RTN2: variants seen among roughly 807,000 people sequenced by gnomAD.
RTN2 encodes the protein reticulon-2.
A neutral mutation model predicts 63.7 loss-of-function variants in RTN2; 36 were observed. The ratio of observed to expected loss-of-function variants is 0.56; its 90% CI spans 0.43 to 0.75. The LOEUF is 0.75. RTN2 is among the 30% of genes least tolerant of loss of function. The pLI is 0.00. For synonymous variants in RTN2, 312 were observed against 313.0 expected (o/e 1.00, Z 0.03); for missense variants, 673 against 705.1 (o/e 0.95, Z 0.52).
At chr19:45,492,971 T>G (rs1968192352) in intron 5 of RTN2, among the ~76,000 whole-genome samples, 189 bp downstream of exon 5, 1 of 152,162 alleles carries the variant, frequency 6.6e-6, no homozygotes, top group African/African-American at 2.4e-5. Flanking sequence ...AAGTGCTGGC[T>G]CGAAGGAGAA....
At chr19:45,485,961 A>G (rs1050647477) in intron 10 of RTN2, 94 bp downstream of exon 10, 2 of 1,341,862 alleles carry the variant, frequency 1.5e-6, no homozygotes, top group African/African-American at 2.9e-5. Flanking sequence ...AGGGGACATT[A>G]CCCCAGGAGA....
chr19:45,489,307 T>G (rs1599907761), intron 6 of RTN2, 39 bp downstream of exon 6: 1 of 1,533,340 alleles, frequency 6.5e-7, no homozygotes, highest in Non-Finnish European at 8.8e-7. Flanking sequence ...TGCTTTAGGG[T>G]CAGGACAGGG....
Position 45,485,348 on chromosome 19 carries a change from C to T in RTN2, c.*360G>A, listed in dbSNP as rs1801948. On this transcript the variant is annotated 3_prime_UTR_variant, in exon 11 of 11. Coordinates refer to ENST00000245923, the MANE Select transcript of RTN2 (RefSeq NM_005619.5). ...AATCCAAGCTCAGGCCTCCCCTGGG[C>T]CCCATGCAAAGCCCCGGCGTTGGGG... is the stretch of plus-strand genomic sequence containing the variant. 1 of 270,406 alleles carries T rather than the reference C, an allele frequency of 3.7e-6. No individual in the cohort carries two copies. Among genetic ancestry groups the T allele is most frequent in the South Asian group, 6.3e-5 (1 of 15,856 alleles). 16.8% of individuals were successfully genotyped at this position (270,406 alleles called of 1,614,324 possible). A position where few individuals can be genotyped will look rare whatever the true frequency, so the allele number is the denominator to read the frequency against.
rs568825346 is a variant in RTN2, at chr19:45,491,415, C to T, written c.1033+1745G>A. The stretch of plus-strand genomic sequence containing the variant: ...TTCCTCTGTCACCCAGGCTGGAGTA[C>T]AGTGGCATGATCTCAGCTCACTGCA... On this transcript the variant is annotated intron_variant, in intron 5 of 10. Coordinates refer to ENST00000245923, the MANE Select transcript of RTN2 (RefSeq NM_005619.5). Among the ~76,000 whole-genome samples the T allele has an allele frequency of 3.8e-4, 57 of 149,512 alleles. 1 individual carries two copies. In the Middle Eastern group the frequency reaches 0.01, roughly 27 times the overall value.
In RTN2 at chr19:45,485,388, G is replaced by C; in HGVS notation, c.*320C>G. On this transcript the variant is annotated 3_prime_UTR_variant, in exon 11 of 11. Coordinates refer to ENST00000245923, the MANE Select transcript of RTN2 (RefSeq NM_005619.5). ...CGGCGTTGGGGCTAGTAGCATCCAG[G>C]AGACACCAACGCCTCACGGCGCCTC... The C allele has an allele frequency of 2.6e-6, 1 of 387,344 alleles. No homozygotes were observed. The highest frequency in any genetic ancestry group is 4.8e-6 in the Non-Finnish European group (1 of 208,750). 24.0% of individuals were successfully genotyped at this position (387,344 alleles called of 1,614,324 possible).
At position 45,496,680 on chromosome 19, in the gene RTN2, T is replaced by A. The variant is rs1473624132; in HGVS notation, c.34+112A>T. On this transcript the variant is annotated intron_variant, in intron 1 of 10. Transcript: ENST00000245923. ...AGGGGAGAGCTTCCTTTGTCTCCTA[T>A]GCCTCCTCCCCCCATCCCGGCTCTC... is the stretch of plus-strand genomic sequence containing the variant. 3 of 656,888 alleles carry A rather than the reference T, an allele frequency of 4.6e-6. No individual in the cohort carries two copies. The East Asian group carries it at 1.0e-4, about 23-fold the overall frequency. 40.7% of individuals were successfully genotyped at this position (656,888 alleles called of 1,614,324 possible).
chr19:45,485,464 G>C lies in RTN2; in HGVS notation c.*244C>G. On this transcript the variant is annotated 3_prime_UTR_variant, in exon 11 of 11. Coordinates refer to ENST00000245923, the MANE Select transcript of RTN2 (RefSeq NM_005619.5). ...TGGTGCCCTGTCTAGGCAACTACAA[G>C]TCCCAGCAGGCCCCGCGGCCAAGGT... 1.8e-6 allele frequency: 1 copy of C among 552,546 alleles called. No individual in the cohort carries two copies. Among genetic ancestry groups the C allele is most frequent in the Non-Finnish European group, 3.3e-6 (1 of 307,154 alleles). The allele number at this position is 552,546 out of a possible 1,614,324, so 34.2% of individuals were successfully genotyped here.
chr19:45,485,996 G>C, intron 10 of RTN2, 59 bp downstream of exon 10: 1 of 1,539,574 alleles, frequency 6.5e-7, no homozygotes, highest in Admixed American at 1.7e-5. Flanking sequence ...GAGTAGAAAG[G>C]AAAGGTTCCC....
At position 45,488,683 on chromosome 19, in the gene RTN2, C is replaced by T; in HGVS notation, c.1404G>A (p.Leu468=). Reference sequence around the variant, plus strand: ...CATTGAAGATGGCACCCACGAAGGTCAAGATGTAGAAGAGGAGGGCCAGCT... The same window carrying T: ...CATTGAAGATGGCACCCACGAAGGTTAAGATGTAGAAGAGGAGGGCCAGCT... The part of the protein sequence containing the change: ...SLKLALLFYI[L]TFVGAIFNGL... Residue 468 remains leucine, a synonymous_variant, in exon 8 of 11, where the codon TTG becomes TTA. Transcript: ENST00000245923. 1 of 1,613,878 alleles carries T rather than the reference C, an allele frequency of 6.2e-7. No homozygotes were observed.
chr19:45,492,780 C>G (rs1968186971), intron 5 of RTN2, among the ~76,000 whole-genome samples: 1 of 152,212 alleles, frequency 6.6e-6, no homozygotes, highest in African/African-American at 2.4e-5. Flanking sequence ...CCCAGGCAGG[C>G]TCCTAGTGGC....
intron 5 of RTN2, among the ~76,000 whole-genome samples, chr19:45,492,149 C>T (rs1010652623): frequency 1.2e-4 from 18 of 152,118 alleles, no homozygotes; most frequent in Admixed American, 6.6e-4. Context: ...GTATTAATCA[C>T]GCCATACTCC....
chr19:45,486,122 A>G lies in RTN2; in HGVS notation c.1498-9T>C. The G allele has an allele frequency of 6.2e-7, 1 of 1,613,650 alleles. No homozygotes were observed. Among genetic ancestry groups the G allele is most frequent in the Middle Eastern group, 1.7e-4 (1 of 6,060 alleles). ...TATTGGTCGATCTGAGCCTGGGGAG[A>G]CCAAAGAAAGGTGAAAGAAGGGATT... On this transcript the variant is annotated splice_polypyrimidine_tract_variant and intron_variant, in intron 9 of 10. Coordinates refer to ENST00000245923, the MANE Select transcript of RTN2 (RefSeq NM_005619.5).
intron 1 of RTN2, 136 bp downstream of exon 1, chr19:45,496,656 G>A (rs1400340652): frequency 3.9e-6 from 2 of 509,190 alleles, no homozygotes; most frequent in Non-Finnish European, 6.4e-6. Context: ...GCGCGGGGGA[G>A]GGGAGAGCTT....
In RTN2 at chr19:45,488,668, G is replaced by GAA; in HGVS notation, c.1418_1419insTT (p.Ile474SerfsTer6). Reference sequence around the variant, plus strand: ...TGAGAAGAGTCAAACCATTGAAGATGGCACCCACGAAGGTCAAGATGTAGA... The same window carrying GAA: ...TGAGAAGAGTCAAACCATTGAAGATGAAGCACCCACGAAGGTCAAGATGTAGA... On this transcript the variant is annotated frameshift_variant, in exon 8 of 11. Transcript: ENST00000245923. LOFTEE classifies it high-confidence loss of function. 1 of 1,613,992 alleles carries GAA rather than the reference G, an allele frequency of 6.2e-7. No homozygotes were observed. Among genetic ancestry groups the GAA allele is most frequent in the Admixed American group, 1.7e-5 (1 of 59,972 alleles).
intron 5 of RTN2, 97 bp downstream of exon 5, chr19:45,493,063 C>T: frequency 8.5e-7 from 1 of 1,177,894 alleles, no homozygotes; most frequent in Non-Finnish European, 1.3e-6. Context: ...GGAAGCAGAT[C>T]AGTAATAAAA....
intron 4 of RTN2, among the ~76,000 whole-genome samples, chr19:45,493,660 G>T (rs1968209068): frequency 6.6e-6 from 1 of 152,028 alleles, no homozygotes; most frequent in South Asian, 2.1e-4. Context: ...ATCTAAATAA[G>T]GAGAGAACTG....
At chr19:45,488,083 T>C in intron 9 of RTN2, among the ~76,000 whole-genome samples, 1 of 152,018 alleles carries the variant, frequency 6.6e-6, no homozygotes, top group East Asian at 1.9e-4. Context: ...CAAAACTCCG[T>C]CTCTGCTAAA....
At position 45,494,855 on chromosome 19, in the gene RTN2, C is replaced by A. The variant is rs771059263; in HGVS notation, c.230G>T (p.Gly77Val). Residue 77 changes from glycine (G) to valine (V), a missense_variant, in exon 3 of 11, where the codon GGC (glycine) becomes GTC (valine). By Grantham distance (109) the Gly-to-Val change is moderately radical. Transcript: ENST00000245923. The surrounding 1 kb of genome is among the most constrained non-coding windows in gnomAD (Gnocchi z 5.3). ...IAFDGVVGSG[G>V]RRDSTARRPR... ...GCGGCGGGCAGTTGAATCCCTGCGG[C>A]CCCCGGAGCCCACTACACCATCAAA... 3 of 1,605,164 alleles carry A rather than the reference C, an allele frequency of 1.9e-6. No individual in the cohort carries two copies. The highest frequency in any genetic ancestry group is 1.7e-6 in the Non-Finnish European group (2 of 1,179,814).
chr19:45,488,015 G>A (rs1364773419), intron 9 of RTN2, among the ~76,000 whole-genome samples: 1 of 151,180 alleles, frequency 6.6e-6, no homozygotes, highest in Admixed American at 6.6e-5. Context: ...CACTTTGGGA[G>A]GCCAAGGTGG....
Sources: allele counts gnomAD v4.1 joint callset (sites outside exome capture counted in the v4.1 genomes callset), GRCh38; gene constraint gnomAD v4.1.1; non-coding constraint Gnocchi (gnomAD v3.1); transcripts MANE v1.5; gene names NCBI Gene and HGNC (gene_info 2026-07-23, HGNC 2026-07-21).